ZNF37A: variants seen among roughly 807,000 people sequenced by gnomAD.
ZNF37A encodes zinc finger protein 37A, also known as zinc finger protein 37a (KOX 21).
ZNF37A carries 10 observed loss-of-function variants against 12.3 expected under a neutral mutation model. The ratio of observed to expected loss-of-function variants is 0.82; its 90% CI spans 0.50 to 1.38. The LOEUF (loss-of-function observed/expected upper bound fraction) is 1.38, where lower values mean the gene tolerates loss of function less well. Among genes scored for constraint, ZNF37A ranks in the 40% most tolerant of loss-of-function variants. ZNF37A has a pLI of 0.00. For missense variants in ZNF37A, 580 were observed against 651.2 expected (o/e 0.89, Z 1.19); for synonymous variants, 207 against 223.0 (o/e 0.93, Z 0.64).
downstream of ZNF37A, among the ~76,000 whole-genome samples, chr10:38,129,316 A>AAAAAAAAAAAAAAAAAAAAAAAAAAC (rs1432210552): frequency 7.0e-6 from 1 of 142,430 alleles, no homozygotes; most frequent in Non-Finnish European, 1.5e-5. Flanking sequence ...AAAAAAAAAA[A>AAAAAAAAAAAAAAAAAAAAAAAAAAC]AAAAAACTAT....
intron 7 of ZNF37A, among the ~76,000 whole-genome samples, chr10:38,134,582 A>T (rs2070080871): frequency 6.6e-6 from 1 of 152,192 alleles, no homozygotes; most frequent in South Asian, 2.1e-4. Flanking sequence ...TTGCCTGGGT[A>T]TCACCAGCGG....
At chr10:38,109,678 A>C (rs2135956116) in intron 5 of ZNF37A, among the ~76,000 whole-genome samples, 1 of 152,318 alleles carries the variant, frequency 6.6e-6, no homozygotes, top group Admixed American at 6.5e-5. Context: ...AAAAATGACC[A>C]CCAGTCCTAT....
intron 5 of ZNF37A, among the ~76,000 whole-genome samples, chr10:38,100,561 A>G (rs959009415): frequency 2.0e-5 from 3 of 152,226 alleles, no homozygotes; most frequent in South Asian, 2.1e-4. Context: ...AAGAAGAGAA[A>G]TATGGCTCTG....
chr10:38,107,734 C>T (rs957688457), intron 5 of ZNF37A, among the ~76,000 whole-genome samples: 6 of 152,034 alleles, frequency 3.9e-5, no homozygotes, highest in African/African-American at 9.7e-5. Context: ...ACTAAACCAA[C>T]GAAGATCAAA....
Position 38,118,581 on chromosome 10 carries a change from G to A in ZNF37A, c.1430G>A (p.Arg477His), listed in dbSNP as rs371302765. The A allele has an allele frequency of 7.9e-5, 127 of 1,605,388 alleles. No homozygotes were observed. Among genetic ancestry groups the A allele is most frequent in the East Asian group, 5.7e-4 (25 of 44,100 alleles). ...FGCNECGKTFRQKSALIVHQR... is the reference protein window; with the variant it reads ...FGCNECGKTFHQKSALIVHQR... ...TGTAATGAATGTGGGAAAACCTTCCGTCAGAAGTCAGCCCTAATTGTTCAC... is the reference window on the plus strand; with the variant it reads ...TGTAATGAATGTGGGAAAACCTTCCATCAGAAGTCAGCCCTAATTGTTCAC... Residue 477 changes from arginine (R) to histidine (H), a missense_variant, in exon 8 of 8, where the codon CGT (arginine) becomes CAT (histidine). Physicochemically the swap from Arg to His is conservative, Grantham distance 29 (BLOSUM62 0). Transcript: ENST00000685332.
At chr10:38,150,068 T>G (rs770657255) in exon 8 of ZNF37A, 2 of 152,342 alleles carry the variant, frequency 1.3e-5, no homozygotes, top group East Asian at 3.8e-4. Flanking sequence ...CTCCTCATCT[T>G]GTACCTGCAC....
chr10:38,113,205 ATTTTTT>A (rs71007697), intron 5 of ZNF37A, among the ~76,000 whole-genome samples: 1 of 75,850 alleles, frequency 1.3e-5, no homozygotes, highest in African/African-American at 5.5e-5. Context: ...TTAGTCTGTG[ATTTTTT>A]TTTTTTTTTT....
intron 7 of ZNF37A, among the ~76,000 whole-genome samples, chr10:38,133,349 GT>G (rs1239501082): frequency 6.6e-6 from 1 of 152,018 alleles, no homozygotes; most frequent in Admixed American, 6.5e-5. Context: ...AAGTTCTAGG[GT>G]ACATGTGCAC....
In ZNF37A at chr10:38,117,666, A is replaced by C. The variant is rs905649487; in HGVS notation, c.515A>C (p.Lys172Thr). The part of the protein sequence containing the change: ...LVHKRGYTGQ[K>T]TCKYTEHGKT... Reference sequence around the variant, plus strand: ...CATAAGAGAGGTTACACAGGACAGAAAACCTGCAAATATACTGAACATGGG... The same window carrying C: ...CATAAGAGAGGTTACACAGGACAGACAACCTGCAAATATACTGAACATGGG... The change falls in exon 8 of 8, where the codon AAA becomes ACA. Residue 172 changes from lysine (K) to threonine (T), a missense_variant. Lys to Thr is a moderately conservative substitution (Grantham distance 78). Coordinates refer to ENST00000685332, the MANE Select transcript of ZNF37A (RefSeq NM_001324250.3). 1.2e-6 allele frequency: 2 copies of C among 1,613,878 alleles called. No homozygotes were observed. Among genetic ancestry groups the C allele is most frequent in the African/African-American group, 2.7e-5 (2 of 74,924 alleles).
At chr10:38,112,763 T>TCGGTGTCGGTGTCGG (rs1564932137) in intron 5 of ZNF37A, among the ~76,000 whole-genome samples, 1 of 63,748 alleles carries the variant, frequency 1.6e-5, no homozygotes, top group Non-Finnish European at 3.4e-5. Flanking sequence ...TTCTTTTCTT[T>TCGGTGTCGGTGTCGG]TCTTTTCTTT....
rs1485812859 is a variant in ZNF37A, at chr10:38,101,995, G to GTA, written c.15+5373_15+5374dup. Among the ~76,000 whole-genome samples the GTA allele has an allele frequency of 1.2e-3, 185 of 151,220 alleles. 1 individual carries two copies. The highest frequency in any genetic ancestry group is 3.6e-3 in the African/African-American group (148 of 41,272). On this transcript the variant is annotated intron_variant, in intron 5 of 7. Transcript: ENST00000685332. ...ACACCATGACACCTGGCTAATTTTT[G>GTA]TATATATATATTTTTTCTTTTAGTA...
intron 4 of ZNF37A, 57 bp downstream of exon 4, chr10:38,095,861 T>G (rs191691545): frequency 6.6e-6 from 1 of 152,050 alleles, no homozygotes; most frequent in Non-Finnish European, 1.5e-5. Flanking sequence ...GAACCTCAAA[T>G]CAAGTTAGAG....
chr10:38,109,444 C>G (rs1252919048), intron 5 of ZNF37A, among the ~76,000 whole-genome samples: 8 of 152,142 alleles, frequency 5.3e-5, no homozygotes, highest in Non-Finnish European at 1.2e-4. Flanking sequence ...ACAAGGATGC[C>G]CTCTCTCACG....
intron 7 of ZNF37A, among the ~76,000 whole-genome samples, chr10:38,133,094 G>A (rs752014437): frequency 1.3e-5 from 2 of 151,810 alleles, no homozygotes; most frequent in African/African-American, 4.8e-5. Context: ...ATTTATTTTG[G>A]TTACTATTTG....
intron 7 of ZNF37A, among the ~76,000 whole-genome samples, chr10:38,130,676 G>A (rs1222257536): frequency 6.6e-6 from 1 of 151,830 alleles, no homozygotes; most frequent in East Asian, 1.9e-4. Context: ...CACCATGTTA[G>A]CTAGGCTGTT....
At chr10:38,114,692 A>C in intron 5 of ZNF37A, 63 bp from the exon 6 acceptor site, 1 of 1,609,704 alleles carries the variant, frequency 6.2e-7, no homozygotes, top group Non-Finnish European at 8.5e-7. Flanking sequence ...TAGTCCCTAA[A>C]CATCTTTTTT....
Position 38,118,542 on chromosome 10 carries a change from A to C in ZNF37A, c.1391A>C (p.Glu464Ala), listed in dbSNP as rs779988194. The C allele has an allele frequency of 6.2e-7, 1 of 1,613,880 alleles. No individual in the cohort carries two copies. The highest frequency in any genetic ancestry group is 1.3e-5 in the African/African-American group (1 of 74,942). Residue 464 changes from glutamate (E) to alanine (A), a missense_variant, in exon 8 of 8, where the codon GAG (glutamate) becomes GCG (alanine). By Grantham distance (107) the Glu-to-Ala change is moderately radical. Coordinates refer to ENST00000685332, the MANE Select transcript of ZNF37A (RefSeq NM_001324250.3). ...FTEHLRRHTG[E>A]KPFGCNECGK... ...GAACATCTGAGAAGACACACAGGGG[A>C]GAAACCTTTTGGATGTAATGAATGT...
chr10:38,121,521 A>AG lies in ZNF37A; in HGVS notation c.*2687dup, dbSNP rs1191669398. 3 of 152,372 alleles carry AG rather than the reference A, an allele frequency of 2.0e-5. No homozygotes were observed. The highest frequency in any genetic ancestry group is 6.6e-5 in the Admixed American group (1 of 15,260). The allele number at this position is 152,372 out of a possible 1,614,324, so 9.4% of individuals were successfully genotyped here. ...GTGTCTGCTGGCACCAAGAGGGCTGAGGGTGAGGTGTGGAAGGGACAGGGG... is the reference window on the plus strand; with the variant it reads ...GTGTCTGCTGGCACCAAGAGGGCTGAGGGGTGAGGTGTGGAAGGGACAGGGG... On this transcript the variant is annotated 3_prime_UTR_variant, in exon 8 of 8. Transcript: ENST00000685332.
downstream of ZNF37A, chr10:38,125,353 G>T (rs1293959355): frequency 1.3e-5 from 2 of 152,118 alleles, no homozygotes; most frequent in Admixed American, 1.3e-4. Flanking sequence ...ATTGGTGAAA[G>T]AATGGTGTGG....
Sources: gnomAD v4.1 joint callset for allele counts (sites outside exome capture counted in the v4.1 genomes callset) on GRCh38, gnomAD v4.1.1 for gene constraint, MANE v1.5 for transcripts, NCBI Gene and HGNC (gene_info 2026-07-23, HGNC 2026-07-21) for gene names.